DLGAP2: variants seen among roughly 807,000 people sequenced by gnomAD.
DLGAP2 encodes the protein disks large-associated protein 2.
DLGAP2 carries 26 observed loss-of-function variants against 100.3 expected under a neutral mutation model. That is an observed-to-expected ratio of 0.26 (90% CI 0.19 to 0.36). The LOEUF is 0.36. Ranked by LOEUF, DLGAP2 falls within the 10% of genes least tolerant of loss-of-function variation. The pLI is 1.00. For missense variants in DLGAP2, 1,858 were observed against 1,453.2 expected, an observed-to-expected ratio of 1.28 and a Z score of -4.53; for synonymous variants, 886 against 630.1, an observed-to-expected ratio of 1.41 and a Z score of -6.08.
At chr8:1,201,731 C>A (rs1481891860) in intron 2 of DLGAP2, among the ~76,000 whole-genome samples, 1 of 152,202 alleles carries the variant, frequency 6.6e-6, no homozygotes, top group Admixed American at 6.5e-5. Flanking sequence ...GAGCACATTT[C>A]CCTGTGAGGG....
At chr8:1,214,740 A>G (rs1798178105) in intron 2 of DLGAP2, among the ~76,000 whole-genome samples, 1 of 152,246 alleles carries the variant, frequency 6.6e-6, no homozygotes, top group Admixed American at 6.5e-5. Flanking sequence ...GTGTGCCTTA[A>G]GTCTATGTAG....
chr8:1,033,639 C>T (rs1480496016), intron 2 of DLGAP2, among the ~76,000 whole-genome samples: 1 of 152,180 alleles, frequency 6.6e-6, no homozygotes, highest in African/African-American at 2.4e-5. Context: ...TGCACTCCAG[C>T]CTGGGTGACA....
chr8:752,517 G>T (rs1820818385), intron 1 of DLGAP2, among the ~76,000 whole-genome samples: 1 of 152,178 alleles, frequency 6.6e-6, no homozygotes, highest in South Asian at 2.1e-4. Context: ...CCAGCCGCCT[G>T]GGCTCGGTGT....
intron 2 of DLGAP2, among the ~76,000 whole-genome samples, chr8:1,251,875 A>G (rs1017942742): frequency 6.6e-5 from 10 of 152,172 alleles, no homozygotes; most frequent in African/African-American, 4.8e-5. Context: ...TCTTAGGGTC[A>G]TGTGTCCTGT....
intron 6 of DLGAP2, among the ~76,000 whole-genome samples, chr8:1,600,535 A>G (rs1272833756): frequency 6.6e-6 from 1 of 152,008 alleles, no homozygotes; most frequent in Non-Finnish European, 1.5e-5. Flanking sequence ...TGGTCTTTTC[A>G]CATTGTCCCA....
intron 2 of DLGAP2, among the ~76,000 whole-genome samples, chr8:1,006,548 A>G (rs1350694924): frequency 1.3e-5 from 1 of 76,088 alleles, no homozygotes; most frequent in African/African-American, 5.7e-5. Flanking sequence ...CGTGTGTCTC[A>G]AGTCTCAGGA....
rs1377996640 is a variant in DLGAP2, at chr8:1,679,799, TG to T, written c.2704+1172del. Among the ~76,000 whole-genome samples the T allele has an allele frequency of 4.6e-5, 7 of 152,144 alleles. No homozygotes were observed. In the East Asian group the frequency reaches 9.6e-4, roughly 21 times the overall value. ...GAGTTACAGATCAGCCTGGCCAACA[TG>T]GTAAAGCCCCATATCTGCCAAAAAT... is the stretch of plus-strand genomic sequence containing the variant. On this transcript the variant is annotated intron_variant, in intron 12 of 14. Transcript: ENST00000637795.
At position 907,898 on chromosome 8, in the gene DLGAP2, T is replaced by A. The variant is rs1419152221; in HGVS notation, c.19-14T>A. 1 of 398,802 alleles carries A rather than the reference T, an allele frequency of 2.5e-6. No homozygotes were observed. Among genetic ancestry groups the A allele is most frequent in the Non-Finnish European group, 4.4e-6 (1 of 226,066 alleles). 24.7% of individuals were successfully genotyped at this position (398,802 alleles called of 1,614,324 possible). A position where few individuals can be genotyped will look rare whatever the true frequency, so the allele number is the denominator to read the frequency against. The stretch of plus-strand genomic sequence containing the variant: ...ATGATAACAAATGTATTTTATTTAT[T>A]TGTTTTAAAACAGGTTTTGCCTGGC... On this transcript the variant is annotated splice_polypyrimidine_tract_variant and intron_variant, in intron 1 of 14. Coordinates refer to ENST00000637795, the MANE Select transcript of DLGAP2 (RefSeq NM_001346810.2).
intron 2 of DLGAP2, among the ~76,000 whole-genome samples, chr8:1,211,558 C>T (rs1187124320): frequency 3.3e-5 from 5 of 152,226 alleles, no homozygotes; most frequent in South Asian, 2.1e-4. Context: ...GGTGTTGCCA[C>T]CACATCACCG....
At chr8:810,476 C>G (rs1436730000) in intron 1 of DLGAP2, among the ~76,000 whole-genome samples, 2 of 152,182 alleles carry the variant, frequency 1.3e-5, no homozygotes, top group Non-Finnish European at 2.9e-5. Flanking sequence ...GGATTTCACA[C>G]AAAGCTGTTT....
chr8:1,461,069 CGG>C (rs1798457486), intron 3 of DLGAP2, among the ~76,000 whole-genome samples: 1 of 138,844 alleles, frequency 7.2e-6, no homozygotes, highest in Non-Finnish European at 1.6e-5. Flanking sequence ...GAGAGAAGGG[CGG>C]CATTTGGGTT....
intron 2 of DLGAP2, among the ~76,000 whole-genome samples, chr8:1,217,264 TC>T (rs1326126485): frequency 6.6e-6 from 1 of 152,220 alleles, no homozygotes; most frequent in East Asian, 1.9e-4. Context: ...TCTAGCTGCC[TC>T]CATGTTCCTG....
chr8:756,470 T>A (rs984856504), intron 1 of DLGAP2, among the ~76,000 whole-genome samples: 5 of 152,308 alleles, frequency 3.3e-5, no homozygotes, highest in Non-Finnish European at 7.4e-5. Flanking sequence ...TAAGACACAA[T>A]AAAAAATGCA....
intron 4 of DLGAP2, among the ~76,000 whole-genome samples, chr8:1,546,805 C>G (rs573877219): frequency 2.9e-4 from 44 of 152,166 alleles, no homozygotes; most frequent in Middle Eastern, 3.4e-3. Flanking sequence ...GAGAGAGGAG[C>G]AAGTGGGAGA....
At chr8:1,121,048 A>G (rs543095883) in intron 2 of DLGAP2, among the ~76,000 whole-genome samples, 14 of 150,994 alleles carry the variant, frequency 9.3e-5, no homozygotes, top group Non-Finnish European at 1.5e-4. Flanking sequence ...GTCCCTTCAG[A>G]ACCCATGACC....
At chr8:1,213,499 T>C (rs1363227813) in intron 2 of DLGAP2, among the ~76,000 whole-genome samples, 4 of 152,208 alleles carry the variant, frequency 2.6e-5, no homozygotes, top group African/African-American at 9.6e-5. Flanking sequence ...TAATGTTAAA[T>C]ATTCCTGACT....
intron 2 of DLGAP2, among the ~76,000 whole-genome samples, chr8:973,641 A>G (rs1201524764): frequency 6.6e-6 from 1 of 152,236 alleles, no homozygotes; most frequent in African/African-American, 2.4e-5. Context: ...GTGAGCCGAG[A>G]TCACGCCACT....
At chr8:791,743 C>G (rs1822032663) in intron 1 of DLGAP2, among the ~76,000 whole-genome samples, 1 of 152,190 alleles carries the variant, frequency 6.6e-6, no homozygotes, top group Non-Finnish European at 1.5e-5. Context: ...TTCAGGAAGA[C>G]TTCAAGAAAA....
chr8:1,590,471 A>G (rs58388249), intron 6 of DLGAP2, among the ~76,000 whole-genome samples: 1,771 of 152,250 alleles, frequency 0.012, 41 homozygotes, highest in African/African-American at 0.041. Flanking sequence ...CTGGGTGACC[A>G]TGGTGATTTT....
Sources: allele counts gnomAD v4.1 joint callset (sites outside exome capture counted in the v4.1 genomes callset), GRCh38; gene constraint gnomAD v4.1.1; transcripts MANE v1.5; gene names NCBI Gene and HGNC (gene_info 2026-07-23, HGNC 2026-07-21).